NFE2L3: variants seen among roughly 807,000 people sequenced by gnomAD.
NFE2L3 encodes the protein NFE2 like bZIP transcription factor 3.
NFE2L3 carries 18 observed loss-of-function variants against 23.5 expected under a neutral mutation model. The ratio of observed to expected loss-of-function variants is 0.77; its 90% CI spans 0.53 to 1.13. NFE2L3 has a LOEUF of 1.13. NFE2L3 is among the 50% of genes most tolerant of loss of function. NFE2L3 has a pLI of 0.00. For synonymous variants in NFE2L3, 424 were observed against 354.5 expected, an observed-to-expected ratio of 1.20 and a Z score of -2.20; for missense variants, 1,152 against 877.2, an observed-to-expected ratio of 1.31 and a Z score of -3.96.
rs1782487210 is a variant in NFE2L3 at position 26,186,344 on chromosome 7, T to C, written c.*561T>C. 1 of 152,220 alleles carries C rather than the reference T, an allele frequency of 6.6e-6. No homozygotes were observed. The highest frequency in any genetic ancestry group is 6.6e-5 in the Admixed American group (1 of 15,266). 9.4% of individuals were successfully genotyped at this position (152,220 alleles called of 1,614,324 possible). On this transcript the variant is annotated 3_prime_UTR_variant, in exon 4 of 4. Transcript: ENST00000056233. ...CTGAACCAAATTTACCTTACTTTCCTTCCAAAATATCCACATTCAGGAATA... is the reference window on the plus strand; with the variant it reads ...CTGAACCAAATTTACCTTACTTTCCCTCCAAAATATCCACATTCAGGAATA...
chr7:26,176,941 T>C (rs1336831904), intron 1 of NFE2L3, among the ~76,000 whole-genome samples: 27 of 65,364 alleles, frequency 4.1e-4, no homozygotes, highest in African/African-American at 4.8e-4. Context: ...CAGGCAGAGA[T>C]GCTCCTCACT....
intron 1 of NFE2L3, among the ~76,000 whole-genome samples, chr7:26,172,642 C>G (rs1440550937): frequency 6.6e-6 from 1 of 152,266 alleles, no homozygotes; most frequent in East Asian, 1.9e-4. Context: ...GGGCATCAAT[C>G]AGTTAGTTTG....
chr7:26,186,305 CTT>C lies in NFE2L3; in HGVS notation c.*525_*526del, dbSNP rs1782486446. 6.6e-6 allele frequency: 1 copy of C among 152,116 alleles called. No individual in the cohort carries two copies. The highest frequency in any genetic ancestry group is 1.5e-5 in the Non-Finnish European group (1 of 68,050). The allele number at this position is 152,116 out of a possible 1,614,324, so 9.4% of individuals were successfully genotyped here. ...ATTTGTATTAAAAATTAACTTTTCC[CTT>C]TTATACAGAATCTGAACCAAATTTA... On this transcript the variant is annotated 3_prime_UTR_variant, in exon 4 of 4. Coordinates refer to ENST00000056233, the MANE Select transcript of NFE2L3 (RefSeq NM_004289.7).
chr7:26,173,663 C>A (rs1401525402), intron 1 of NFE2L3: 1 of 152,170 alleles, frequency 6.6e-6, no homozygotes, highest in Non-Finnish European at 1.5e-5. Flanking sequence ...ATATAGGAAT[C>A]AGTATTGTTG....
chr7:26,177,855 C>T (rs1236286699), intron 1 of NFE2L3, 88 bp from the exon 2 acceptor site: 1 of 1,132,466 alleles, frequency 8.8e-7, no homozygotes, highest in African/African-American at 1.6e-5. Flanking sequence ...TAGCTTTTGA[C>T]TTGTGGGTTT....
intron 1 of NFE2L3, among the ~76,000 whole-genome samples, chr7:26,169,559 T>C (rs1361732025): frequency 1.3e-5 from 2 of 152,200 alleles, no homozygotes; most frequent in African/African-American, 2.4e-5. Flanking sequence ...AGTCCTCCTT[T>C]GAAGGGGACC....
intron 1 of NFE2L3, chr7:26,174,396 A>G (rs2128099068): frequency 6.6e-6 from 1 of 152,280 alleles, no homozygotes; most frequent in South Asian, 2.1e-4. Flanking sequence ...AGGTGGGGGT[A>G]TTTGTGTATG....
chr7:26,174,331 C>CA (rs1784365493), intron 1 of NFE2L3: 1 of 151,672 alleles, frequency 6.6e-6, no homozygotes, highest in Admixed American at 6.6e-5. Context: ...TCAAGGGGAG[C>CA]AAAAAATGGG....
intron 1 of NFE2L3, among the ~76,000 whole-genome samples, chr7:26,173,237 T>A (rs1487206261): frequency 6.6e-6 from 1 of 152,190 alleles, no homozygotes; most frequent in Non-Finnish European, 1.5e-5. Flanking sequence ...TTGTTACCAA[T>A]TCATTACACT....
chr7:26,163,024 C>T (rs955466404), intron 1 of NFE2L3, among the ~76,000 whole-genome samples: 1 of 152,050 alleles, frequency 6.6e-6, no homozygotes, highest in African/African-American at 2.4e-5. Context: ...AAATATCAAG[C>T]ATTTATTACT....
chr7:26,168,731 G>A (rs1784289752), intron 1 of NFE2L3, among the ~76,000 whole-genome samples: 2 of 152,066 alleles, frequency 1.3e-5, no homozygotes, highest in South Asian at 4.1e-4. Flanking sequence ...CCTCTGGGTA[G>A]ATACCCAGTA....
rs1463153415 is a variant in NFE2L3 at position 26,185,287 on chromosome 7, A to G, written c.1589A>G (p.Asp530Gly). The change falls in exon 4 of 4, where the codon GAC becomes GGC. Residue 530 changes from aspartate (D) to glycine (G), a missense_variant. Asp to Gly is a moderately conservative substitution (Grantham distance 94). Coordinates refer to ENST00000056233, the MANE Select transcript of NFE2L3 (RefSeq NM_004289.7). ...SQKIRSRYLE[D>G]TDRNLSRDEQ... ...AAGATAAGGAGTAGATACCTTGAAG[A>G]CACAGATAGAAACTTGAGCCGTGAT... The G allele has an allele frequency of 1.9e-6, 3 of 1,614,148 alleles. No homozygotes were observed. The highest frequency in any genetic ancestry group is 2.2e-5 in the East Asian group (1 of 44,888).
At chr7:26,158,479 C>T (rs1784121009) in intron 1 of NFE2L3, among the ~76,000 whole-genome samples, 1 of 152,178 alleles carries the variant, frequency 6.6e-6, no homozygotes, top group South Asian at 2.1e-4. Flanking sequence ...TAAAAGCTAA[C>T]TGAGCTGTTT....
intron 1 of NFE2L3, among the ~76,000 whole-genome samples, chr7:26,176,245 C>T (rs948906900): frequency 1.3e-5 from 2 of 152,158 alleles, no homozygotes; most frequent in African/African-American, 2.4e-5. Context: ...AATGGAGTCT[C>T]CTGTGTCTAC....
At chr7:26,165,157 TTAAAG>T (rs1299017368) in intron 1 of NFE2L3, among the ~76,000 whole-genome samples, 1 of 152,188 alleles carries the variant, frequency 6.6e-6, no homozygotes, top group Non-Finnish European at 1.5e-5. Context: ...CATATGAACT[TTAAAG>T]TAGTTTTTTC....
At chr7:26,158,737 A>C (rs1284722045) in intron 1 of NFE2L3, among the ~76,000 whole-genome samples, 1 of 152,226 alleles carries the variant, frequency 6.6e-6, no homozygotes, top group Non-Finnish European at 1.5e-5. Flanking sequence ...ATGAGCATGC[A>C]GGGCCCAAGC....
At chr7:26,175,593 T>C (rs1036352421) in intron 1 of NFE2L3, among the ~76,000 whole-genome samples, 1 of 151,864 alleles carries the variant, frequency 6.6e-6, no homozygotes, top group Non-Finnish European at 1.5e-5. Context: ...CTGGCTAACA[T>C]GGTGAAACCC....
At chr7:26,160,294 T>C (rs1784147576) in intron 1 of NFE2L3, among the ~76,000 whole-genome samples, 1 of 152,182 alleles carries the variant, frequency 6.6e-6, no homozygotes, top group African/African-American at 2.4e-5. Flanking sequence ...TCCAGGCAGC[T>C]GAAGCCTGCC....
At chr7:26,168,398 A>C in intron 1 of NFE2L3, among the ~76,000 whole-genome samples, 1 of 55,322 alleles carries the variant, frequency 1.8e-5, no homozygotes. Flanking sequence ...CGCCTCCCAA[A>C]ATGGTGAGAT....
Sources: gnomAD v4.1 joint callset for allele counts (sites outside exome capture counted in the v4.1 genomes callset) on GRCh38, gnomAD v4.1.1 for gene constraint, MANE v1.5 for transcripts, NCBI Gene and HGNC (gene_info 2026-07-23, HGNC 2026-07-21) for gene names.